Variants in CBFB observed in about 807,000 individuals in gnomAD.
CBFB encodes core-binding factor subunit beta, also known as CBF-beta.
CBFB carries 9 observed loss-of-function variants against 30.4 expected under a neutral mutation model. The observed-to-expected ratio is 0.30, with a 90% CI of 0.18 to 0.52. The LOEUF (loss-of-function observed/expected upper bound fraction) is 0.52, where lower values mean the gene tolerates loss of function less well. Among genes scored for constraint, CBFB ranks in the 20% least tolerant of loss-of-function variants. The pLI, the probability that CBFB is intolerant of heterozygous loss-of-function variation, is 0.97. For missense variants in CBFB, 170 were observed against 244.0 expected (o/e 0.70, Z 2.02); for synonymous variants, 94 against 84.0 (o/e 1.12, Z -0.65).
At chr16:67,051,753 GTT>G (rs200753813) in intron 3 of CBFB, among the ~76,000 whole-genome samples, 1 of 145,216 alleles carries the variant, frequency 6.9e-6, no homozygotes, top group African/African-American at 2.5e-5. Flanking sequence ...TTTTTTTTGT[GTT>G]TTTTTTTTTC....
chr16:67,029,498 G>A lies in CBFB; in HGVS notation c.78+13G>A, dbSNP rs1297907448. 1.3e-6 allele frequency: 2 copies of A among 1,581,914 alleles called. No individual in the cohort carries two copies. The highest frequency in any genetic ancestry group is 2.4e-5 in the East Asian group (1 of 41,784). On this transcript the variant is annotated intron_variant, in intron 1 of 5. Coordinates refer to ENST00000412916, the MANE Select transcript of CBFB (RefSeq NM_022845.3). ...CCGCGAGTGTGAGGTGAGGCAGGCG[G>A]GCGGGCGGCTAGGAGGCCGCAGCGC...
At chr16:67,042,470 A>C (rs950861906) in intron 3 of CBFB, among the ~76,000 whole-genome samples, 8 of 152,144 alleles carry the variant, frequency 5.3e-5, no homozygotes, top group African/African-American at 1.9e-4. Context: ...AAATGTATGC[A>C]CCCATGTAGA....
In CBFB at chr16:67,098,756, G is replaced by A. The variant is rs1962131582; in HGVS notation, c.542G>A (p.Gly181Asp). 2 of 1,606,656 alleles carry A rather than the reference G, an allele frequency of 1.2e-6. No individual in the cohort carries two copies. The highest frequency in any genetic ancestry group is 1.7e-6 in the Non-Finnish European group (2 of 1,173,302). Reference sequence around the variant, plus strand: ...AGTCCTGGTTCCAATTTAGGTGGTGGTGATGACCTCAAACTTCGTTAATTA... The same window carrying A: ...AGTCCTGGTTCCAATTTAGGTGGTGATGATGACCTCAAACTTCGTTAATTA... ...DPSPGSNLGG[G>D]DDLKLR The change falls in exon 6 of 6, where the codon GGT becomes GAT. Residue 181 changes from glycine (G) to aspartate (D), a missense_variant. Transcript: ENST00000412916.
At chr16:67,036,026 C>G (rs1471247834) in intron 2 of CBFB, among the ~76,000 whole-genome samples, 1 of 151,998 alleles carries the variant, frequency 6.6e-6, no homozygotes, top group Admixed American at 6.6e-5. Flanking sequence ...ATACTTTTCT[C>G]TTTGTTGTAG....
intron 5 of CBFB, chr16:67,093,770 C>T (rs1297820993): frequency 6.6e-6 from 1 of 152,164 alleles, no homozygotes; most frequent in Admixed American, 6.5e-5. Context: ...AATCAAGGCC[C>T]TATGGCTGAG....
At chr16:67,063,982 C>T (rs1316186888) in intron 3 of CBFB, among the ~76,000 whole-genome samples, 1 of 152,018 alleles carries the variant, frequency 6.6e-6, no homozygotes, top group African/African-American at 2.4e-5. Context: ...GATTTTAGCT[C>T]ACAAAGCACT....
At chr16:67,036,864 C>G in intron 3 of CBFB, 109 bp downstream of exon 3, 1 of 698,562 alleles carries the variant, frequency 1.4e-6, no homozygotes. Context: ...CCAGCATATG[C>G]TCAGATTTGT....
chr16:67,067,335 T>C (rs1961089644), intron 4 of CBFB, among the ~76,000 whole-genome samples: 1 of 151,890 alleles, frequency 6.6e-6, no homozygotes, highest in Non-Finnish European at 1.5e-5. Flanking sequence ...CTGGCCATCA[T>C]GATGAAACCC....
chr16:67,052,140 G>A (rs1424524581), intron 3 of CBFB, among the ~76,000 whole-genome samples: 3 of 151,982 alleles, frequency 2.0e-5, no homozygotes, highest in Non-Finnish European at 1.5e-5. Flanking sequence ...TCAGCCTCCC[G>A]CAGTGCTGGG....
intron 3 of CBFB, among the ~76,000 whole-genome samples, chr16:67,060,875 A>G (rs1244055732): frequency 2.0e-5 from 3 of 152,160 alleles, no homozygotes; most frequent in Admixed American, 2.0e-4. Context: ...CGTTTCATAT[A>G]ATACGTAACC....
chr16:67,051,223 A>G (rs1966733279), intron 3 of CBFB, among the ~76,000 whole-genome samples: 1 of 152,190 alleles, frequency 6.6e-6, no homozygotes. Flanking sequence ...AATAAAAGGA[A>G]CATAGGTATA....
intron 4 of CBFB, among the ~76,000 whole-genome samples, chr16:67,075,625 G>A (rs1961373825): frequency 1.3e-5 from 2 of 152,118 alleles, no homozygotes; most frequent in Non-Finnish European, 2.9e-5. Flanking sequence ...GATGGCAACA[G>A]GAGTGAATAT....
chr16:67,053,437 A>G (rs1960620703), intron 3 of CBFB, among the ~76,000 whole-genome samples: 1 of 151,434 alleles, frequency 6.6e-6, no homozygotes, highest in Non-Finnish European at 1.5e-5. Context: ...TTGTATTTTT[A>G]GTAGAGATGG....
At chr16:67,032,205 C>T (rs1966363577) in intron 2 of CBFB, among the ~76,000 whole-genome samples, 1 of 152,116 alleles carries the variant, frequency 6.6e-6, no homozygotes, top group Non-Finnish European at 1.5e-5. Context: ...ATTAGACATT[C>T]TAGACCTTCC....
intron 4 of CBFB, 38 bp downstream of exon 4, chr16:67,066,836 T>C: frequency 2.5e-6 from 3 of 1,187,158 alleles, no homozygotes; most frequent in Non-Finnish European, 3.8e-6. Flanking sequence ...ATGGTCCCTT[T>C]AGTCCCTAAT....
intron 3 of CBFB, among the ~76,000 whole-genome samples, chr16:67,053,573 A>G (rs908521606): frequency 1.3e-5 from 2 of 151,954 alleles, no homozygotes; most frequent in African/African-American, 2.4e-5. Flanking sequence ...TCACTTTCAG[A>G]TGCAGCTCCT....
chr16:67,058,062 T>G (rs1163064653), intron 3 of CBFB, among the ~76,000 whole-genome samples: 1 of 152,230 alleles, frequency 6.6e-6, no homozygotes, highest in Non-Finnish European at 1.5e-5. Context: ...GAAGATTACT[T>G]TGGGATAAAT....
intron 2 of CBFB, among the ~76,000 whole-genome samples, chr16:67,032,320 G>A (rs1597119302): frequency 6.6e-6 from 1 of 152,086 alleles, no homozygotes; most frequent in Non-Finnish European, 1.5e-5. Flanking sequence ...GTGAGACCCG[G>A]TCTCCAAAAA....
chr16:67,066,393 C>CAAAAAAAAAAAAAAAAAAAAAAAAA (rs56360240), intron 3 of CBFB, among the ~76,000 whole-genome samples: 3 of 96,080 alleles, frequency 3.1e-5, no homozygotes, highest in East Asian at 2.7e-4. Flanking sequence ...ACTAAAAATA[C>CAAAAAAAAAAAAAAAAAAAAAAAAA]AAAAAAAAAA....
Sources: allele counts gnomAD v4.1 joint callset (sites outside exome capture counted in the v4.1 genomes callset), GRCh38; gene constraint gnomAD v4.1.1; transcripts MANE v1.5; gene names NCBI Gene and HGNC (gene_info 2026-07-23, HGNC 2026-07-21).